HNRNPA3: variants seen among roughly 807,000 people sequenced by gnomAD.
The protein encoded by HNRNPA3 is heterogeneous nuclear ribonucleoprotein A3.
HNRNPA3 carries 3 observed loss-of-function variants against 45.8 expected under a neutral mutation model. That is an observed-to-expected ratio of 0.07 (90% CI 0.03 to 0.17). HNRNPA3 has a LOEUF of 0.17. Ranked by LOEUF, HNRNPA3 falls within the 10% of genes least tolerant of loss-of-function variation. The probability of loss-of-function intolerance (pLI) is 1.00; values close to 1 mark genes in which losing one functional copy is unlikely to be tolerated. For missense variants in HNRNPA3, 183 were observed against 480.3 expected (o/e 0.38, Z 5.79); for synonymous variants, 170 against 155.6 (o/e 1.09, Z -0.69).
At chr2:177,223,636 TC>T (rs1689283463), downstream of HNRNPA3, 2 of 152,338 alleles carry the variant, frequency 1.3e-5, no homozygotes, top group African/African-American at 4.8e-5. Flanking sequence ...TCTTGGGAGT[TC>T]CAGTAATGTC....
downstream of HNRNPA3, chr2:177,221,360 G>A (rs1030963333): frequency 6.6e-6 from 1 of 152,382 alleles, no homozygotes; most frequent in African/African-American, 2.4e-5. Context: ...TATAAATAAA[G>A]TTTAAAGGAA....
intron 1 of HNRNPA3, among the ~76,000 whole-genome samples, chr2:177,214,006 C>T (rs1298064001): frequency 6.6e-6 from 1 of 152,178 alleles, no homozygotes; most frequent in African/African-American, 2.4e-5. Context: ...ACAATCTCTT[C>T]ACATTAAACG....
chr2:177,220,356 T>G (rs1558972056), downstream of HNRNPA3: 1 of 153,600 alleles, frequency 6.5e-6, no homozygotes, highest in Admixed American at 6.5e-5. Context: ...AAACCATTCT[T>G]AAAAACTTTT....
At chr2:177,216,305 C>T (rs969714311) in intron 4 of HNRNPA3, 117 bp downstream of exon 4, 17 of 758,724 alleles carry the variant, frequency 2.2e-5, no homozygotes, top group South Asian at 9.0e-5. Context: ...AGTGTATAGT[C>T]AATTTTCATA....
chr2:177,213,354 T>A (rs1688772228), intron 1 of HNRNPA3, among the ~76,000 whole-genome samples: 1 of 152,102 alleles, frequency 6.6e-6, no homozygotes, highest in Non-Finnish European at 1.5e-5. Flanking sequence ...GAGCCTGGGA[T>A]TGGAGGGAAG....
At position 177,216,660 on chromosome 2, in the gene HNRNPA3, C is replaced by G; in HGVS notation, c.644-16C>G. The stretch of plus-strand genomic sequence containing the variant: ...GTTTGTAAGGTTCTTAAAAATCTCC[C>G]TTGCCTGTATTAAAGGTCGTGGAGG... On this transcript the variant is annotated splice_polypyrimidine_tract_variant and intron_variant, in intron 5 of 10. Transcript: ENST00000392524. 6.2e-7 allele frequency: 1 copy of G among 1,613,882 alleles called. No individual in the cohort carries two copies. Among genetic ancestry groups the G allele is most frequent in the Non-Finnish European group, 8.5e-7 (1 of 1,179,814 alleles).
At chr2:177,217,657 C>T in intron 7 of HNRNPA3, 48 bp from the exon 8 acceptor site, 2 of 1,608,220 alleles carry the variant, frequency 1.2e-6, no homozygotes, top group Non-Finnish European at 1.7e-6. Flanking sequence ...AATAACGTGA[C>T]TATACACTTA....
At chr2:177,218,289 C>G (rs1286915558) in intron 8 of HNRNPA3, among the ~76,000 whole-genome samples, 1 of 152,072 alleles carries the variant, frequency 6.6e-6, no homozygotes, top group Non-Finnish European at 1.5e-5. Context: ...GTCTCGATCT[C>G]CTGACCTTGT....
chr2:177,216,293 A>G lies in HNRNPA3; in HGVS notation c.553+105A>G. On this transcript the variant is annotated intron_variant, in intron 4 of 10. Coordinates refer to ENST00000392524, the Ensembl canonical transcript of HNRNPA3. The stretch of plus-strand genomic sequence containing the variant: ...TTTTCTGTTGCGTGTAATGGCATTT[A>G]TAGTGTATAGTCAATTTTCATAGTG... The G allele has an allele frequency of 5.1e-6, 4 of 789,046 alleles. No individual in the cohort carries two copies. The South Asian group carries it at 5.2e-5, about 10-fold the overall frequency. The allele number at this position is 789,046 out of a possible 1,614,324, so 48.9% of individuals were successfully genotyped here.
chr2:177,218,390 A>G (rs541091799), intron 8 of HNRNPA3, among the ~76,000 whole-genome samples: 1 of 152,302 alleles, frequency 6.6e-6, no homozygotes, highest in East Asian at 1.9e-4. Flanking sequence ...GTTGAGTAGT[A>G]AAAAATGGAC....
At chr2:177,222,668 G>A (rs1208865139), downstream of HNRNPA3, 3 of 152,260 alleles carry the variant, frequency 2.0e-5, no homozygotes, top group Non-Finnish European at 4.4e-5. Flanking sequence ...GTTGGGCTTG[G>A]TGATACACAT....
chr2:177,218,985 G>A, intron 8 of HNRNPA3, 52 bp from the exon 9 acceptor site: 1 of 1,600,158 alleles, frequency 6.2e-7, no homozygotes. Flanking sequence ...CGTTAAAAGG[G>A]GAAAATGATG....
At chr2:177,220,423 TTTC>T (rs1259142972), downstream of HNRNPA3, 17 of 154,730 alleles carry the variant, frequency 1.1e-4, no homozygotes, top group African/African-American at 3.8e-4. Context: ...GTACCTTTTT[TTTC>T]TTATTTAAAG....
chr2:177,212,918 G>A, intron 1 of HNRNPA3, 47 bp downstream of exon 1: 1 of 1,249,760 alleles, frequency 8.0e-7, no homozygotes. Context: ...CCGGCGTTGG[G>A]GGCCTGGTTC....
At chr2:177,217,307 C>T (rs755231917) in intron 7 of HNRNPA3, among the ~76,000 whole-genome samples, 14 of 152,318 alleles carry the variant, frequency 9.2e-5, no homozygotes, top group Middle Eastern at 3.4e-3. Context: ...TATTACCAGG[C>T]TTCAGAGTGC....
Position 177,215,064 on chromosome 2 carries a change from C to G in HNRNPA3, c.73-475C>G, listed in dbSNP as rs1456215383. 2.6e-5 allele frequency among the ~76,000 whole-genome samples: 4 copies of G among 152,070 alleles called. No homozygotes were observed. In the East Asian group the frequency reaches 7.7e-4, roughly 29 times the overall value. On this transcript the variant is annotated intron_variant, in intron 1 of 10. Transcript: ENST00000392524. ...TAGGTTTCCTTGACATAAGTTAGCCCCTTTAACAGTTGAAGTCTTATTTCT... is the reference window on the plus strand; with the variant it reads ...TAGGTTTCCTTGACATAAGTTAGCCGCTTTAACAGTTGAAGTCTTATTTCT...
In HNRNPA3 at chr2:177,217,596, G is replaced by T. The variant is rs118040606; in HGVS notation, c.821-109G>T. On this transcript the variant is annotated intron_variant, in intron 7 of 10. Coordinates refer to ENST00000392524, the Ensembl canonical transcript of HNRNPA3. ...TTGCTGTGGTTGCACCACTGTACTT[G>T]AGCCCGGGCAACAGAGCAAGACCCA... is the stretch of plus-strand genomic sequence containing the variant. 1.9e-3 allele frequency: 2,565 copies of T among 1,358,868 alleles called. 21 individuals are homozygous for T. The East Asian group carries it at 0.02, about 10-fold the overall frequency. 84.2% of individuals were successfully genotyped at this position (1,358,868 alleles called of 1,614,324 possible).
intron 6 of HNRNPA3, 34 bp from the exon 7 acceptor site, chr2:177,216,826 A>G (rs373530511): frequency 3.1e-6 from 5 of 1,612,936 alleles, no homozygotes; most frequent in Non-Finnish European, 4.2e-6. Flanking sequence ...TAAGTTGAAT[A>G]TATTATTTTA....
At chr2:177,215,517 G>T (rs754455522) in intron 1 of HNRNPA3, 22 bp from the exon 2 acceptor site, 4 of 1,613,012 alleles carry the variant, frequency 2.5e-6, no homozygotes, top group Non-Finnish European at 8.5e-7. Context: ...GGTAACTTAA[G>T]AGTATTGGTT....
Sources: gnomAD v4.1 joint callset for allele counts (sites outside exome capture counted in the v4.1 genomes callset) on GRCh38, gnomAD v4.1.1 for gene constraint, MANE v1.5 for transcripts, NCBI Gene and HGNC (gene_info 2026-07-23, HGNC 2026-07-21) for gene names.